Variants in NOL4L observed in about 807,000 individuals in gnomAD.
NOL4L encodes nucleolar protein 4 like.
NOL4L carries 7 observed loss-of-function variants against 64.5 expected under a neutral mutation model. The observed-to-expected ratio is 0.11, with a 90% CI of 0.06 to 0.20. NOL4L has a LOEUF of 0.20. Ranked by LOEUF, NOL4L falls within the 10% of genes least tolerant of loss-of-function variation. The pLI is 1.00. For synonymous variants in NOL4L, 413 were observed against 401.0 expected (o/e 1.03, Z -0.36); for missense variants, 680 against 967.1 (o/e 0.70, Z 3.94).
intron 1 of NOL4L, among the ~76,000 whole-genome samples, chr20:32,582,953 G>C (rs1980578765): frequency 1.3e-5 from 2 of 152,034 alleles, no homozygotes; most frequent in Non-Finnish European, 2.9e-5. Flanking sequence ...CGGGGGAGGG[G>C]ACAATGACCC....
chr20:32,518,924 G>A (rs984619006), intron 3 of NOL4L, among the ~76,000 whole-genome samples: 9 of 152,218 alleles, frequency 5.9e-5, no homozygotes, highest in Non-Finnish European at 1.0e-4. Flanking sequence ...GGCATGCATC[G>A]AGGGAGTGTC....
At chr20:32,468,645 A>T (rs1447238832) in intron 5 of NOL4L, among the ~76,000 whole-genome samples, 1 of 152,176 alleles carries the variant, frequency 6.6e-6, no homozygotes, top group Non-Finnish European at 1.5e-5. Flanking sequence ...TCACGCCTGT[A>T]ATCCCTGCAT....
intron 4 of NOL4L, 138 bp from the exon 5 acceptor site, chr20:32,474,880 G>A (rs1392304265): frequency 1.4e-6 from 2 of 1,430,210 alleles, no homozygotes; most frequent in Admixed American, 2.8e-5. Flanking sequence ...ACCTTGAAGT[G>A]AGGGCTGGGT....
intron 4 of NOL4L, among the ~76,000 whole-genome samples, chr20:32,495,949 G>A (rs960133198): frequency 6.6e-6 from 1 of 152,108 alleles, no homozygotes; most frequent in Non-Finnish European, 1.5e-5. Context: ...TAGATGACTC[G>A]TGGGGCAGAG....
chr20:32,584,542 C>T (rs1377654549), intron 1 of NOL4L, 28 bp downstream of exon 1: 3 of 1,319,542 alleles, frequency 2.3e-6, no homozygotes, highest in African/African-American at 3.1e-5. Flanking sequence ...CGGCGGGACC[C>T]GCCCGCGGCC....
At chr20:32,578,021 T>G (rs1323428368) in intron 1 of NOL4L, among the ~76,000 whole-genome samples, 1 of 151,834 alleles carries the variant, frequency 6.6e-6, no homozygotes, top group Non-Finnish European at 1.5e-5. Flanking sequence ...GGAATATGAT[T>G]ACAGTTCCAT....
intron 10 of NOL4L, among the ~76,000 whole-genome samples, chr20:32,450,757 C>T (rs951405274): frequency 5.9e-5 from 9 of 152,130 alleles, no homozygotes; most frequent in African/African-American, 2.2e-4. Context: ...ACCTCACCTG[C>T]TGAGCCCCAG....
At chr20:32,476,305 G>A (rs2015394458) in intron 4 of NOL4L, among the ~76,000 whole-genome samples, 1 of 152,078 alleles carries the variant, frequency 6.6e-6, no homozygotes, top group African/African-American at 2.4e-5. Flanking sequence ...CTGGATGGAG[G>A]GAGACGAAGG....
chr20:32,526,357 G>A (rs953167356), intron 2 of NOL4L, among the ~76,000 whole-genome samples: 2 of 152,142 alleles, frequency 1.3e-5, no homozygotes, highest in Admixed American at 1.3e-4. Flanking sequence ...CGAGAAGCAG[G>A]AGGGGCGGGG....
intron 4 of NOL4L, among the ~76,000 whole-genome samples, chr20:32,506,276 T>C (rs2017136969): frequency 6.6e-6 from 1 of 151,994 alleles, no homozygotes; most frequent in African/African-American, 2.4e-5. Context: ...CCAAACTGGC[T>C]CCAGCCTCCC....
At chr20:32,541,523 G>A (rs1044396635) in intron 1 of NOL4L, among the ~76,000 whole-genome samples, 2 of 152,110 alleles carry the variant, frequency 1.3e-5, no homozygotes, top group African/African-American at 2.4e-5. Context: ...CTGATGGGCC[G>A]CCTGAAGCCG....
chr20:32,465,059 G>A (rs2014426340), intron 5 of NOL4L: 2 of 622,066 alleles, frequency 3.2e-6, no homozygotes, highest in Non-Finnish European at 5.8e-6. Flanking sequence ...CCCGTAGAGA[G>A]GTGTCCAAGC....
chr20:32,496,539 GAAGA>G (rs970677734), intron 4 of NOL4L, among the ~76,000 whole-genome samples: 8 of 151,922 alleles, frequency 5.3e-5, no homozygotes, highest in African/African-American at 1.7e-4. Flanking sequence ...GTGAAGGAAG[GAAGA>G]AATTTCTTTC....
chr20:32,584,499 C>T (rs1370904271), intron 1 of NOL4L, 71 bp downstream of exon 1: 1 of 1,131,610 alleles, frequency 8.8e-7, no homozygotes, highest in African/African-American at 1.7e-5. Flanking sequence ...TCCACACCCC[C>T]ACCCCGCCCC....
At chr20:32,545,383 G>A (rs574208390) in intron 1 of NOL4L, among the ~76,000 whole-genome samples, 5 of 152,292 alleles carry the variant, frequency 3.3e-5, no homozygotes, top group East Asian at 1.9e-4. Flanking sequence ...CTTGAACTTC[G>A]TCCACCTTGG....
intron 1 of NOL4L, among the ~76,000 whole-genome samples, chr20:32,577,032 G>A (rs1395353708): frequency 6.6e-6 from 1 of 152,232 alleles, no homozygotes; most frequent in African/African-American, 2.4e-5. Flanking sequence ...CTCCAGCCCA[G>A]CTGTGTGTTC....
At chr20:32,509,334 A>G (rs1196760401) in intron 4 of NOL4L, among the ~76,000 whole-genome samples, 1 of 152,024 alleles carries the variant, frequency 6.6e-6, no homozygotes, top group African/African-American at 2.4e-5. Context: ...CCTGGCCAAC[A>G]TGAGGAAACC....
chr20:32,514,068 G>A (rs1305611666), intron 3 of NOL4L, among the ~76,000 whole-genome samples: 1 of 152,204 alleles, frequency 6.6e-6, no homozygotes, highest in Non-Finnish European at 1.5e-5. Flanking sequence ...CTTTGACGCT[G>A]TGTACTTCTG....
At chr20:32,473,202 C>T (rs2015142770) in intron 5 of NOL4L, among the ~76,000 whole-genome samples, 1 of 152,256 alleles carries the variant, frequency 6.6e-6, no homozygotes, top group Admixed American at 6.5e-5. Flanking sequence ...ACAACTGTCC[C>T]AGACCCTTCT....
Sources: allele counts gnomAD v4.1 joint callset (sites outside exome capture counted in the v4.1 genomes callset), GRCh38; gene constraint gnomAD v4.1.1; transcripts MANE v1.5; gene names NCBI Gene and HGNC (gene_info 2026-07-23, HGNC 2026-07-21).